The following NOL11 variants were observed in gnomAD, a reference collection of about 807,000 sequenced individuals.
NOL11 encodes the protein nucleolar protein 11.
A neutral mutation model predicts 93.0 loss-of-function variants in NOL11; 42 were observed. The observed-to-expected ratio is 0.45, with a 90% CI of 0.35 to 0.58. NOL11 has a LOEUF of 0.58. NOL11 is among the 20% of genes least tolerant of loss of function. The pLI is 0.00. For synonymous variants in NOL11, 296 were observed against 293.7 expected, an observed-to-expected ratio of 1.01 and a Z score of -0.08; for missense variants, 775 against 841.8, an observed-to-expected ratio of 0.92 and a Z score of 0.98.
chr17:67,740,912 C>G (rs1035317994), intron 16 of NOL11: 4 of 150,402 alleles, frequency 2.7e-5, no homozygotes, highest in Non-Finnish European at 5.9e-5. Flanking sequence ...TTTTTTTTTT[C>G]CTTTTCAAGA....
chr17:67,727,356 CTG>C (rs1316084684), intron 7 of NOL11, among the ~76,000 whole-genome samples: 1 of 152,198 alleles, frequency 6.6e-6, no homozygotes, highest in African/African-American at 2.4e-5. Context: ...GTACTTTGTT[CTG>C]TGTTTCTCCT....
In NOL11 at chr17:67,720,075, C is replaced by G. The variant is rs532130867; in HGVS notation, c.312+113C>G. 8.3e-6 allele frequency: 8 copies of G among 968,914 alleles called. No homozygotes were observed. In the African/African-American group the frequency reaches 8.3e-5, roughly 10 times the overall value. 60.0% of individuals were successfully genotyped at this position (968,914 alleles called of 1,614,324 possible). A position where few individuals can be genotyped will look rare whatever the true frequency, so the allele number is the denominator to read the frequency against. ...ACCTCTGGGAAAATAAGCATAAGGTCCTAATCAGGTTTTCATTCTAATTAT... is the reference window on the plus strand; with the variant it reads ...ACCTCTGGGAAAATAAGCATAAGGTGCTAATCAGGTTTTCATTCTAATTAT... On this transcript the variant is annotated intron_variant, in intron 3 of 17. Transcript: ENST00000253247.
chr17:67,739,487 A>T (rs1385187212), intron 15 of NOL11, 29 bp from the exon 16 acceptor site: 7 of 1,366,986 alleles, frequency 5.1e-6, no homozygotes, highest in Non-Finnish European at 7.1e-6. Flanking sequence ...TATCAAAATG[A>T]TAAACTATCC....
chr17:67,732,724 C>T (rs1243391409), intron 7 of NOL11, among the ~76,000 whole-genome samples: 1 of 151,242 alleles, frequency 6.6e-6, no homozygotes, highest in Non-Finnish European at 1.5e-5. Context: ...CAGGTGCATG[C>T]CATCATGCCT....
intron 5 of NOL11, among the ~76,000 whole-genome samples, chr17:67,723,089 C>T (rs1367898398): frequency 2.7e-5 from 4 of 150,754 alleles, no homozygotes; most frequent in South Asian, 2.1e-4. Context: ...CTCAGCCCAC[C>T]GCAGCCTCCT....
intron 14 of NOL11, 44 bp downstream of exon 14, chr17:67,738,399 T>C: frequency 8.2e-7 from 1 of 1,212,338 alleles, no homozygotes; most frequent in Non-Finnish European, 1.2e-6. Context: ...CTTTATAGGA[T>C]ATAGTTATAT....
chr17:67,718,206 A>C, intron 1 of NOL11, 118 bp downstream of exon 1: 1 of 1,401,834 alleles, frequency 7.1e-7, no homozygotes, highest in Non-Finnish European at 9.7e-7. Context: ...CTTAGCAGAG[A>C]GCCGGCTGGG....
chr17:67,727,454 C>T (rs1025315992), intron 7 of NOL11, among the ~76,000 whole-genome samples: 19 of 151,916 alleles, frequency 1.3e-4, no homozygotes, highest in African/African-American at 3.4e-4. Flanking sequence ...CTGAGGGGAG[C>T]TCGAGCCAGC....
chr17:67,734,299 C>A, intron 7 of NOL11, 64 bp from the exon 8 acceptor site: 1 of 899,798 alleles, frequency 1.1e-6, no homozygotes, highest in Non-Finnish European at 1.8e-6. Context: ...TAACTCCCCC[C>A]TTCCCCAAAA....
In NOL11 at chr17:67,724,538, G is replaced by A. The variant is rs574959199; in HGVS notation, c.664+345G>A. 4.6e-5 allele frequency among the ~76,000 whole-genome samples: 7 copies of A among 152,050 alleles called. No individual in the cohort carries two copies. The South Asian group carries it at 1.2e-3, about 27-fold the overall frequency. On this transcript the variant is annotated intron_variant, in intron 6 of 17. Coordinates refer to ENST00000253247, the MANE Select transcript of NOL11 (RefSeq NM_015462.5). ...TAGTAGAGACGGTTTCGCCATGTTG[G>A]TCAGGCTGGTCTCCAACTCCTGACC... is the stretch of plus-strand genomic sequence containing the variant.
intron 16 of NOL11, among the ~76,000 whole-genome samples, chr17:67,742,367 C>G (rs917074550): frequency 1.3e-5 from 2 of 152,098 alleles, no homozygotes; most frequent in African/African-American, 4.8e-5. Flanking sequence ...GGTTCTTTGT[C>G]CATATGTATA....
intron 8 of NOL11, among the ~76,000 whole-genome samples, chr17:67,735,172 G>GT (rs529069852): frequency 6.6e-6 from 1 of 152,122 alleles, no homozygotes; most frequent in African/African-American, 2.4e-5. Flanking sequence ...TTCCTTGTGA[G>GT]TTTTTTTCTC....
chr17:67,726,868 C>A, intron 7 of NOL11: 1 of 401,800 alleles, frequency 2.5e-6, no homozygotes, highest in South Asian at 5.2e-5. Flanking sequence ...CACCACCATG[C>A]TCATAACTAT....
At chr17:67,739,630 G>C (rs1002918452) in intron 16 of NOL11, 22 bp downstream of exon 16, 1 of 1,432,362 alleles carries the variant, frequency 7.0e-7, no homozygotes, top group African/African-American at 1.6e-5. Context: ...TTTTTACTTT[G>C]ATTTGGTGCT....
At chr17:67,722,061 CTG>C (rs1467747543) in intron 4 of NOL11, among the ~76,000 whole-genome samples, 1 of 152,194 alleles carries the variant, frequency 6.6e-6, no homozygotes, top group East Asian at 1.9e-4. Context: ...AGAGTGAAGA[CTG>C]GTACTTACAA....
intron 16 of NOL11, among the ~76,000 whole-genome samples, chr17:67,742,949 TA>T (rs1203686553): frequency 3.9e-5 from 6 of 152,166 alleles, no homozygotes; most frequent in Non-Finnish European, 8.8e-5. Context: ...TTTTTAAAAA[TA>T]AAAAGACAAC....
chr17:67,726,892 A>G, intron 7 of NOL11: 1 of 346,848 alleles, frequency 2.9e-6, no homozygotes, highest in Non-Finnish European at 5.2e-6. Flanking sequence ...ATAAAGAAAT[A>G]AAAATGGCGA....
intron 6 of NOL11, among the ~76,000 whole-genome samples, chr17:67,725,693 G>A (rs541552033): frequency 2.0e-5 from 3 of 152,216 alleles, no homozygotes; most frequent in African/African-American, 2.4e-5. Context: ...AAATCTTTAC[G>A]TAACAATTGC....
intron 11 of NOL11, 62 bp from the exon 12 acceptor site, chr17:67,737,446 G>T (rs917709358): frequency 7.4e-7 from 1 of 1,348,342 alleles, no homozygotes; most frequent in Non-Finnish European, 1.0e-6. Context: ...GCTAGGAAAC[G>T]TTAAGTTCAG....
Sources: allele counts gnomAD v4.1 joint callset (sites outside exome capture counted in the v4.1 genomes callset), GRCh38; gene constraint gnomAD v4.1.1; transcripts MANE v1.5; gene names NCBI Gene and HGNC (gene_info 2026-07-23, HGNC 2026-07-21).